The following JAKMIP1 variants were observed in gnomAD, a reference collection of about 807,000 sequenced individuals.
The protein encoded by JAKMIP1 is janus kinase and microtubule interacting protein 1, also known as janus kinase and microtubule-interacting protein 1.
In JAKMIP1, 33 loss-of-function variants were observed where a neutral mutation model predicts 113.0. That is an observed-to-expected ratio of 0.29 (90% CI 0.22 to 0.39). JAKMIP1 has a LOEUF of 0.39. JAKMIP1 is among the 10% of genes least tolerant of loss of function. JAKMIP1 has a pLI of 1.00. For missense variants in JAKMIP1, 813 were observed against 1,080.5 expected (o/e 0.75, Z 3.47); for synonymous variants, 480 against 459.9 (o/e 1.04, Z -0.56).
At chr4:6,039,698 C>T (rs1211970930) in intron 18 of JAKMIP1, among the ~76,000 whole-genome samples, 1 of 152,158 alleles carries the variant, frequency 6.6e-6, no homozygotes, top group Non-Finnish European at 1.5e-5. Flanking sequence ...ATCTCCTGCT[C>T]CTAGTCTCAA....
At chr4:6,198,356 G>C (rs1011032167) in intron 1 of JAKMIP1, among the ~76,000 whole-genome samples, 6 of 152,104 alleles carry the variant, frequency 3.9e-5, no homozygotes, top group African/African-American at 1.4e-4. Context: ...ACCCAAGTGT[G>C]AAGACATGTC....
intron 18 of JAKMIP1, among the ~76,000 whole-genome samples, chr4:6,037,565 C>T (rs1578051655): frequency 6.8e-6 from 1 of 147,690 alleles, no homozygotes; most frequent in East Asian, 2.0e-4. Context: ...CCCTCCATCA[C>T]CGAGGCAGAG....
In JAKMIP1 at chr4:6,179,817, C is replaced by T. The variant is rs996666404; in HGVS notation, c.-148+20436G>A. The stretch of plus-strand genomic sequence containing the variant: ...CTTGTAAAACAGGTAGCAATATTAT[C>T]CCCATATGACAGATAAGGAAACTGA... On this transcript the variant is annotated intron_variant, in intron 1 of 20. Transcript: ENST00000409021. This position sits in a 1 kb window ranked among gnomAD's most constrained non-coding sequence, Gnocchi z 4.5. Among the ~76,000 whole-genome samples, 4 of 152,214 alleles carry T rather than the reference C, an allele frequency of 2.6e-5. No homozygotes were observed. Among genetic ancestry groups the T allele is most frequent in the Non-Finnish European group, 2.9e-5 (2 of 68,034 alleles).
intron 1 of JAKMIP1, among the ~76,000 whole-genome samples, chr4:6,174,917 T>G (rs1725162303): frequency 6.6e-6 from 1 of 152,126 alleles, no homozygotes; most frequent in African/African-American, 2.4e-5. Context: ...GTGGCCACCC[T>G]CAACCATGTG....
At chr4:6,085,115 C>G (rs1721106360) in intron 4 of JAKMIP1, 150 bp from the exon 5 acceptor site, 12 of 1,012,708 alleles carry the variant, frequency 1.2e-5, no homozygotes, top group Non-Finnish European at 1.7e-5. Flanking sequence ...GGGGAACACC[C>G]AAGCCCACTG....
rs1459315167 is a variant in JAKMIP1 at position 6,197,412 on chromosome 4, A to G, written c.-148+2841T>C. Among the ~76,000 whole-genome samples the G allele has an allele frequency of 1.3e-5, 2 of 151,832 alleles. No homozygotes were observed. The highest frequency in any genetic ancestry group is 2.9e-5 in the Non-Finnish European group (2 of 67,958). On this transcript the variant is annotated intron_variant, in intron 1 of 20. Coordinates refer to ENST00000409021, the MANE Select transcript of JAKMIP1 (RefSeq NM_001099433.2). This position sits in a 1 kb window ranked among gnomAD's most constrained non-coding sequence, Gnocchi z 6.5. The stretch of plus-strand genomic sequence containing the variant: ...TTCTCATAGCTTCTTCACCATCATC[A>G]CCCCTCATAAATCGGCTACCTTTGC...
chr4:6,093,301 G>T lies in JAKMIP1; in HGVS notation c.625-7672C>A, dbSNP rs1364285605. Among the ~76,000 whole-genome samples, 1 of 152,190 alleles carries T rather than the reference G, an allele frequency of 6.6e-6. No individual in the cohort carries two copies. Among genetic ancestry groups the T allele is most frequent in the Non-Finnish European group, 1.5e-5 (1 of 68,032 alleles). ...TAATCTGCTCACACTCCAGTTAACT[G>T]TAAGCGCTTTGCTGCCTGGAATCGT... On this transcript the variant is annotated intron_variant, in intron 3 of 20. Transcript: ENST00000409021. This position sits in a 1 kb window ranked among gnomAD's most constrained non-coding sequence, Gnocchi z 4.6.
In JAKMIP1 at chr4:6,059,140, C is replaced by T. The variant is rs1449103107; in HGVS notation, c.1644+1284G>A. On this transcript the variant is annotated intron_variant, in intron 11 of 20. Coordinates refer to ENST00000409021, the MANE Select transcript of JAKMIP1 (RefSeq NM_001099433.2). The surrounding 1 kb of genome is among the most constrained non-coding windows in gnomAD (Gnocchi z 4.8). Reference sequence around the variant, plus strand: ...AGCATGTGAGCTCTGCGTCACGATCCCACCGCATGGAGGATGCAGACCACA... The same window carrying T: ...AGCATGTGAGCTCTGCGTCACGATCTCACCGCATGGAGGATGCAGACCACA... 6.6e-6 allele frequency among the ~76,000 whole-genome samples: 1 copy of T among 152,198 alleles called. No individual in the cohort carries two copies. The highest frequency in any genetic ancestry group is 1.5e-5 in the Non-Finnish European group (1 of 68,040).
Position 6,185,605 on chromosome 4 carries a change from G to A in JAKMIP1, c.-148+14648C>T, listed in dbSNP as rs575234883. Reference sequence around the variant, plus strand: ...GGAGCTTGCAGTGAGCTGAGATCACGCCACTGCACTCCAGCCTGAGCGACA... The same window carrying A: ...GGAGCTTGCAGTGAGCTGAGATCACACCACTGCACTCCAGCCTGAGCGACA... On this transcript the variant is annotated intron_variant, in intron 1 of 20. Transcript: ENST00000409021. The surrounding 1 kb of genome is among the most constrained non-coding windows in gnomAD (Gnocchi z 5.3). 1.3e-5 allele frequency among the ~76,000 whole-genome samples: 2 copies of A among 152,130 alleles called. No homozygotes were observed. Among genetic ancestry groups the A allele is most frequent in the Non-Finnish European group, 2.9e-5 (2 of 68,024 alleles).
In JAKMIP1 at chr4:6,078,957, T is replaced by C. The variant is rs1280987606; in HGVS notation, c.1284A>G (p.Lys428=). ...RLLRSKRHRG[K]SLKPPKKHVV... ...GGCTCACCTTGGGCGGTTTCAGACT[T>C]TTCCCTCGATGCCTTTTGGAGCGCA... Residue 428 remains lysine (K), a synonymous_variant, in exon 8 of 21, where the codon AAA becomes AAG. Transcript: ENST00000409021. 1.2e-6 allele frequency: 2 copies of C among 1,614,152 alleles called. No homozygotes were observed. Among genetic ancestry groups the C allele is most frequent in the South Asian group, 1.1e-5 (1 of 91,086 alleles).
At chr4:6,175,879 C>G (rs1421160606) in intron 1 of JAKMIP1, among the ~76,000 whole-genome samples, 1 of 152,202 alleles carries the variant, frequency 6.6e-6, no homozygotes, top group Non-Finnish European at 1.5e-5. Context: ...CCATCAAGGC[C>G]CTTGTCCTCT....
rs1726409939 is a variant in JAKMIP1, at chr4:6,184,450, G to A, written c.-148+15803C>T. The stretch of plus-strand genomic sequence containing the variant: ...CAGCCCACACTCAGCATCACAAGGA[G>A]GGAGAGAGGGCAAGGCAAGTGCAGT... On this transcript the variant is annotated intron_variant, in intron 1 of 20. Transcript: ENST00000409021. This position sits in a 1 kb window ranked among gnomAD's most constrained non-coding sequence, Gnocchi z 4.5. 1.3e-5 allele frequency among the ~76,000 whole-genome samples: 2 copies of A among 152,138 alleles called. No homozygotes were observed. Among genetic ancestry groups the A allele is most frequent in the South Asian group, 4.2e-4 (2 of 4,814 alleles).
At position 6,158,572 on chromosome 4, in the gene JAKMIP1, C is replaced by T. The variant is rs958546620; in HGVS notation, c.-148+41681G>A. ...AGAAAGGATGAGGTATTCCAGAGGGCCTGCGGGAGTGGTCAACTCCATCCC... is the reference window on the plus strand; with the variant it reads ...AGAAAGGATGAGGTATTCCAGAGGGTCTGCGGGAGTGGTCAACTCCATCCC... On this transcript the variant is annotated intron_variant, in intron 1 of 20. Transcript: ENST00000409021. The surrounding 1 kb of genome is among the most constrained non-coding windows in gnomAD (Gnocchi z 5.3). Among the ~76,000 whole-genome samples, 1 of 152,124 alleles carries T rather than the reference C, an allele frequency of 6.6e-6. No homozygotes were observed.
rs1719659219 is a variant in JAKMIP1, at chr4:6,076,100, T to C, written c.1302+2839A>G. Among the ~76,000 whole-genome samples, 1 of 152,122 alleles carries C rather than the reference T, an allele frequency of 6.6e-6. No individual in the cohort carries two copies. Among genetic ancestry groups the C allele is most frequent in the Non-Finnish European group, 1.5e-5 (1 of 68,028 alleles). ...CTGAGGCAGGAGAATCGCTTGAACC[T>C]GGGAGGCAGAGGTTGCAATGAGCCG... On this transcript the variant is annotated intron_variant, in intron 8 of 20. Transcript: ENST00000409021. This position sits in a 1 kb window ranked among gnomAD's most constrained non-coding sequence, Gnocchi z 4.8.
At chr4:6,055,265 C>T (rs114728324) in intron 12 of JAKMIP1, among the ~76,000 whole-genome samples, 2 of 152,096 alleles carry the variant, frequency 1.3e-5, no homozygotes, top group Non-Finnish European at 1.5e-5. Context: ...GGGGGGACTG[C>T]ACATGGGCAG....
chr4:6,125,590 C>A (rs1391051047), intron 1 of JAKMIP1, among the ~76,000 whole-genome samples: 2 of 145,788 alleles, frequency 1.4e-5, no homozygotes, highest in Non-Finnish European at 3.0e-5. Context: ...CCATACACAC[C>A]ATGCAGAAAC....
In JAKMIP1 at chr4:6,150,806, C is replaced by T. The variant is rs1007070809; in HGVS notation, c.-147-37809G>A. Among the ~76,000 whole-genome samples the T allele has an allele frequency of 5.3e-5, 8 of 152,272 alleles. No individual in the cohort carries two copies. Among genetic ancestry groups the T allele is most frequent in the African/African-American group, 1.7e-4 (7 of 41,546 alleles). On this transcript the variant is annotated intron_variant, in intron 1 of 20. Transcript: ENST00000409021. This position sits in a 1 kb window ranked among gnomAD's most constrained non-coding sequence, Gnocchi z 4.8. ...AAGAAGAAAACAGGCAAGAAATTTC[C>T]GCATCCCAGCTTCAAGCTCCTCCAC...
At chr4:6,163,209 G>A (rs551995777) in intron 1 of JAKMIP1, among the ~76,000 whole-genome samples, 3 of 152,304 alleles carry the variant, frequency 2.0e-5, no homozygotes, top group Admixed American at 6.5e-5. Flanking sequence ...CAGATATTAC[G>A]TTTTTGACAA....
At chr4:6,125,604 CACACACACACACCATACAGAA>C (rs1717321128) in intron 1 of JAKMIP1, among the ~76,000 whole-genome samples, 2 of 147,526 alleles carry the variant, frequency 1.4e-5, no homozygotes, top group African/African-American at 5.1e-5. Context: ...CAGAAACACA[CACACACACACACCATACAGAA>C]ACACACACAC....
Sources: gnomAD v4.1 joint callset for allele counts (sites outside exome capture counted in the v4.1 genomes callset) on GRCh38, gnomAD v4.1.1 for gene constraint, Gnocchi (gnomAD v3.1) non-coding constraint, MANE v1.5 for transcripts, NCBI Gene and HGNC (gene_info 2026-07-23, HGNC 2026-07-21) for gene names.